NBEAL2: variants seen among roughly 807,000 people sequenced by gnomAD.
NBEAL2 encodes the protein neurobeachin-like protein 2.
In NBEAL2, 160 loss-of-function variants were observed where a neutral mutation model predicts 299.8. That is an observed-to-expected ratio of 0.53 (90% CI 0.47 to 0.61). The LOEUF (loss-of-function observed/expected upper bound fraction) is 0.61, where lower values mean the gene tolerates loss of function less well. NBEAL2 is among the 20% of genes least tolerant of loss of function. The pLI, the probability that NBEAL2 is intolerant of heterozygous loss-of-function variation, is 0.00. For synonymous variants in NBEAL2, 1,493 were observed against 1,542.3 expected (o/e 0.97, Z 0.75); for missense variants, 3,112 against 3,649.0 (o/e 0.85, Z 3.79).
In NBEAL2 at chr3:47,000,343, A is replaced by C. The variant is rs2036881796; in HGVS notation, c.4244A>C (p.Asp1415Ala). The change falls in exon 27 of 54, where the codon GAC becomes GCC. Residue 1415 changes from aspartate to alanine, a missense_variant. By Grantham distance (126) the Asp-to-Ala change is moderately radical. Transcript: ENST00000450053. The surrounding 1 kb of genome is among the most constrained non-coding windows in gnomAD (Gnocchi z 4.5). ...TCCAGTCTCTCCAATGTGCTGGAGGACGGCAGCCTCCCGGAGCCCACCATT... is the reference window on the plus strand; with the variant it reads ...TCCAGTCTCTCCAATGTGCTGGAGGCCGGCAGCCTCCCGGAGCCCACCATT... ...HSSSLSNVLE[D>A]GSLPEPTISG... 2 of 1,603,324 alleles carry C rather than the reference A, an allele frequency of 1.2e-6. No individual in the cohort carries two copies.
rs1354588966 is a variant in NBEAL2 at position 47,009,364 on chromosome 3, G to A, written c.*44G>A. The stretch of plus-strand genomic sequence containing the variant: ...CTCGGGCCCCGCCCCCGGCAGGCCT[G>A]GCCCGGGAGGCCCCGCCCAGAAGTC... On this transcript the variant is annotated 3_prime_UTR_variant, in exon 54 of 54. Coordinates refer to ENST00000450053, the MANE Select transcript of NBEAL2 (RefSeq NM_015175.3). The A allele has an allele frequency of 4.6e-6, 7 of 1,529,612 alleles. No homozygotes were observed. Among genetic ancestry groups the A allele is most frequent in the Non-Finnish European group, 5.3e-6 (6 of 1,130,594 alleles). 94.8% of individuals were successfully genotyped at this position (1,529,612 alleles called of 1,614,324 possible).
intron 1 of NBEAL2, among the ~76,000 whole-genome samples, chr3:46,984,882 C>G (rs2035584984): frequency 6.6e-6 from 1 of 152,172 alleles, no homozygotes; most frequent in South Asian, 2.1e-4. Flanking sequence ...GGATCTGGAA[C>G]TCCACTCACC....
Position 46,983,200 on chromosome 3 carries a change from G to C in NBEAL2, c.51+3288G>C, listed in dbSNP as rs1340790416. Among the ~76,000 whole-genome samples the C allele has an allele frequency of 4.6e-5, 7 of 152,068 alleles. No homozygotes were observed. The East Asian group carries it at 1.4e-3, about 29-fold the overall frequency. On this transcript the variant is annotated intron_variant, in intron 1 of 53. Transcript: ENST00000450053. ...GTTAGGTCAGGCTGGAGGCAACCTC[G>C]TCCTGCCTACACTTCCCTGAGAGTT... is the stretch of plus-strand genomic sequence containing the variant.
chr3:46,984,608 G>C (rs1267376126), intron 1 of NBEAL2, among the ~76,000 whole-genome samples: 1 of 152,222 alleles, frequency 6.6e-6, no homozygotes, highest in African/African-American at 2.4e-5. Flanking sequence ...TACTGAATGG[G>C]GGGACCCCCT....
chr3:47,001,030 G>C lies in NBEAL2; in HGVS notation c.4335G>C (p.Leu1445=). The change falls in exon 28 of 54, where the codon CTG becomes CTC. Residue 1445 remains leucine (L), a synonymous_variant. Transcript: ENST00000450053. This position sits in a 1 kb window ranked among gnomAD's most constrained non-coding sequence, Gnocchi z 6.1. ...QQTSEEELCN[L]LTNVLFSVTW... is the part of the protein sequence containing the mutation. ...CCTCTGAGGAAGAGTTGTGCAATCT[G>C]CTCACCAACGTGCTGTTCTCGGTGA... The C allele has an allele frequency of 6.2e-7, 1 of 1,611,764 alleles. No individual in the cohort carries two copies. Among genetic ancestry groups the C allele is most frequent in the South Asian group, 1.1e-5 (1 of 90,590 alleles).
chr3:46,996,991 G>A lies in NBEAL2; in HGVS notation c.2594G>A (p.Ser865Asn). ...AACATCTGCCTGGACCTGTCCCCCA[G>A]TCATGGGCTTGATGGGCGCCTGACG... ...KNNICLDLSP[S>N]HGLDGRLTGH... Residue 865 changes from serine (S) to asparagine (N), a missense_variant, in exon 18 of 54, where the codon AGT becomes AAT. Around this residue, in one of 3 missense-constraint regions of NBEAL2, gnomAD observed 2,243 missense variants for 2,538.1 expected, o/e 0.88. Coordinates refer to ENST00000450053, the MANE Select transcript of NBEAL2 (RefSeq NM_015175.3). 6.2e-7 allele frequency: 1 copy of A among 1,613,436 alleles called. No homozygotes were observed. Among genetic ancestry groups the A allele is most frequent in the African/African-American group, 1.3e-5 (1 of 75,052 alleles).
In NBEAL2 at chr3:46,994,512, G is replaced by T. The variant is rs760063750; in HGVS notation, c.1255G>T (p.Gly419Cys). 154 of 1,594,874 alleles carry T rather than the reference G, an allele frequency of 9.7e-5. No individual in the cohort carries two copies. The highest frequency in any genetic ancestry group is 1.3e-4 in the Non-Finnish European group (149 of 1,169,462). ...PHLQEVLQSH[G>C]PPTHRLLQEL... ...CCTGCAGGAGGTTCTGCAGAGCCAT[G>T]GTCCCCCCACCCATCGGCTGTTGCA... Residue 419 changes from glycine to cysteine, a missense_variant, in exon 12 of 54, where the codon GGT (glycine) becomes TGT (cysteine). Gly to Cys is a radical substitution (Grantham distance 159). Coordinates refer to ENST00000450053, the MANE Select transcript of NBEAL2 (RefSeq NM_015175.3).
In NBEAL2 at chr3:47,008,655, C is replaced by T. The variant is rs776638505; in HGVS notation, c.8014C>T (p.Leu2672Phe). 5 of 1,613,174 alleles carry T rather than the reference C, an allele frequency of 3.1e-6. No homozygotes were observed. The highest frequency in any genetic ancestry group is 4.2e-6 in the Non-Finnish European group (5 of 1,179,874). ...LGTAQCALHI[L>F]QLNTLLPAAP... is the part of the protein sequence containing the mutation. ...CACCGCCCAGTGCGCCCTGCACATC[C>T]TCCAACTAAACACGTAAGCCCCCCA... Residue 2672 changes from leucine (L) to phenylalanine (F), a missense_variant, in exon 52 of 54, where the codon CTC becomes TTC. Physicochemically the swap from Leu to Phe is conservative, Grantham distance 22 (BLOSUM62 0). Around this residue, in one of 3 missense-constraint regions of NBEAL2, gnomAD observed 348 missense variants for 381.4 expected, o/e 0.91. Transcript: ENST00000450053.
chr3:47,002,905 TG>T, intron 33 of NBEAL2, 51 bp from the exon 34 acceptor site: 1 of 1,597,960 alleles, frequency 6.3e-7, no homozygotes. Context: ...CAGGGAGGGA[TG>T]GGGGTGTCTA....
chr3:46,999,189 G>T, intron 24 of NBEAL2, 72 bp downstream of exon 24: 1 of 1,538,588 alleles, frequency 6.5e-7, no homozygotes, highest in Non-Finnish European at 8.8e-7. Context: ...GGGAGGTACA[G>T]CAGGCCTTGG....
At chr3:46,992,335 G>A in intron 9 of NBEAL2, 140 bp from the exon 10 acceptor site, 3 of 791,864 alleles carry the variant, frequency 3.8e-6, no homozygotes, top group Non-Finnish European at 6.5e-6. Context: ...CAGGGCACAG[G>A]GGGCTCAGCA....
chr3:46,987,173 C>T (rs1230924302), intron 1 of NBEAL2, among the ~76,000 whole-genome samples: 2 of 152,238 alleles, frequency 1.3e-5, no homozygotes, highest in African/African-American at 4.8e-5. Context: ...AGGCCTCTTG[C>T]CCTGGGGCCA....
At position 47,001,487 on chromosome 3, in the gene NBEAL2, C is replaced by T; in HGVS notation, c.4644+49C>T. ...AGCCACATGAACACTCATGTTCATGCAAGCCTGCAGGGATCTGGTCTGGGA... is the reference window on the plus strand; with the variant it reads ...AGCCACATGAACACTCATGTTCATGTAAGCCTGCAGGGATCTGGTCTGGGA... On this transcript the variant is annotated intron_variant, in intron 29 of 53. Coordinates refer to ENST00000450053, the MANE Select transcript of NBEAL2 (RefSeq NM_015175.3). The surrounding 1 kb of genome is among the most constrained non-coding windows in gnomAD (Gnocchi z 6.1). 9 of 1,587,922 alleles carry T rather than the reference C, an allele frequency of 5.7e-6. No individual in the cohort carries two copies. Among genetic ancestry groups the T allele is most frequent in the Non-Finnish European group, 7.7e-6 (9 of 1,168,280 alleles).
chr3:46,986,189 G>T (rs540846828), intron 1 of NBEAL2, among the ~76,000 whole-genome samples: 1 of 152,204 alleles, frequency 6.6e-6, no homozygotes, highest in Non-Finnish European at 1.5e-5. Context: ...CCTGAACCCA[G>T]CTCAGCCCAA....
chr3:46,989,380 G>C lies in NBEAL2; in HGVS notation c.472G>C (p.Gly158Arg), dbSNP rs778031079. The change falls in exon 5 of 54, where the codon GGG becomes CGG. Residue 158 changes from glycine (G) to arginine (R), a missense_variant and splice_region_variant. Transcript: ENST00000450053. The surrounding 1 kb of genome is among the most constrained non-coding windows in gnomAD (Gnocchi z 5.5). ...CCAAACCTGGCGGCGCCAGCGCAGTGGGTGAGACCCAGCCCACAGGAAGGG... is the reference window on the plus strand; with the variant it reads ...CCAAACCTGGCGGCGCCAGCGCAGTCGGTGAGACCCAGCCCACAGGAAGGG... ...PYQTWRRQRS[G>R]EVISSKEKSK... 1 of 1,576,060 alleles carries C rather than the reference G, an allele frequency of 6.3e-7. No homozygotes were observed. Among genetic ancestry groups the C allele is most frequent in the South Asian group, 1.2e-5 (1 of 86,328 alleles).
At chr3:46,985,076 C>A (rs1323969141) in intron 1 of NBEAL2, among the ~76,000 whole-genome samples, 2 of 152,208 alleles carry the variant, frequency 1.3e-5, no homozygotes, top group Non-Finnish European at 2.9e-5. Flanking sequence ...ATGGGTCTTA[C>A]AAAGGGTGCT....
In NBEAL2 at chr3:46,998,712, G is replaced by A. The variant is rs1458937885; in HGVS notation, c.3222-5G>A. On this transcript the variant is annotated splice_region_variant and splice_polypyrimidine_tract_variant and intron_variant, in intron 22 of 53. Transcript: ENST00000450053. ...CCTGGCTGGGTGTGCCTACTGACCT[G>A]CCAGCCCGCAGCGGGAGCGCCCCCT... 2.5e-6 allele frequency: 4 copies of A among 1,572,212 alleles called. No individual in the cohort carries two copies. In the South Asian group the frequency reaches 4.6e-5, roughly 18 times the overall value.
chr3:46,994,677 G>A, intron 12 of NBEAL2, 124 bp downstream of exon 12: 1 of 841,414 alleles, frequency 1.2e-6, no homozygotes, highest in Non-Finnish European at 1.8e-6. Flanking sequence ...ACTGTTACCT[G>A]TAGCCTGGCC....
rs751961055 is a variant in NBEAL2, at chr3:47,005,700, A to G, written c.6692-38A>G. On this transcript the variant is annotated intron_variant, in intron 41 of 53. Coordinates refer to ENST00000450053, the MANE Select transcript of NBEAL2 (RefSeq NM_015175.3). ...GTGGAGTGGCCAGGGGGCAGTCGGGATGGACAGGGAGACAGCTGACCCAGT... is the reference window on the plus strand; with the variant it reads ...GTGGAGTGGCCAGGGGGCAGTCGGGGTGGACAGGGAGACAGCTGACCCAGT... 6.8e-6 allele frequency: 11 copies of G among 1,612,472 alleles called. No homozygotes were observed. The Admixed American group carries it at 1.3e-4, about 20-fold the overall frequency.
Sources: allele counts gnomAD v4.1 joint callset (sites outside exome capture counted in the v4.1 genomes callset), GRCh38; gene constraint gnomAD v4.1.1; regional missense constraint gnomAD v4.1.1; non-coding constraint Gnocchi (gnomAD v3.1); transcripts MANE v1.5; gene names NCBI Gene and HGNC (gene_info 2026-07-23, HGNC 2026-07-21).